Variants in SPIDR observed in about 807,000 individuals in gnomAD.
SPIDR encodes the protein DNA repair-scaffolding protein.
Under a neutral mutation model 104.6 loss-of-function variants are expected in SPIDR, and 93 were observed. The ratio of observed to expected loss-of-function variants is 0.89; its 90% CI spans 0.75 to 1.06. The LOEUF (loss-of-function observed/expected upper bound fraction) is 1.06, where lower values mean the gene tolerates loss of function less well. Among genes scored for constraint, SPIDR ranks in the 50% least tolerant of loss-of-function variants. The pLI, the probability that SPIDR is intolerant of heterozygous loss-of-function variation, is 0.00. For missense variants in SPIDR, 1,154 were observed against 1,111.2 expected (o/e 1.04, Z -0.55); for synonymous variants, 431 against 416.9 (o/e 1.03, Z -0.41).
intron 12 of SPIDR, 107 bp downstream of exon 12, chr8:47,700,597 T>G: frequency 9.0e-7 from 1 of 1,107,800 alleles, no homozygotes; most frequent in Non-Finnish European, 1.4e-6. Context: ...CCTGCTCCAG[T>G]GGCAACAAGG....
At chr8:47,521,859 A>T (rs1418539286) in intron 8 of SPIDR, among the ~76,000 whole-genome samples, 1 of 152,028 alleles carries the variant, frequency 6.6e-6, no homozygotes, top group East Asian at 1.9e-4. Flanking sequence ...ATATGTTCCT[A>T]GTTCTTAGAA....
intron 8 of SPIDR, among the ~76,000 whole-genome samples, chr8:47,568,449 G>T (rs1333527342): frequency 6.6e-6 from 1 of 152,216 alleles, no homozygotes; most frequent in Admixed American, 6.5e-5. Context: ...TGAATTAATT[G>T]TGTAAGGAAC....
intron 8 of SPIDR, among the ~76,000 whole-genome samples, chr8:47,589,558 C>G (rs968372204): frequency 9.2e-5 from 14 of 151,852 alleles, no homozygotes; most frequent in African/African-American, 3.4e-4. Context: ...ATTTATTTTC[C>G]TTAATAGTTA....
chr8:47,361,314 C>A (rs981668106), intron 5 of SPIDR, among the ~76,000 whole-genome samples: 1 of 152,118 alleles, frequency 6.6e-6, no homozygotes, highest in Admixed American at 6.5e-5. Context: ...ATCCATCTGA[C>A]CATTGGTTAG....
chr8:47,265,269 A>G (rs1342277287), intron 1 of SPIDR, among the ~76,000 whole-genome samples: 1 of 147,238 alleles, frequency 6.8e-6, no homozygotes, highest in Non-Finnish European at 1.5e-5. Context: ...GGCTCACTGC[A>G]GTCTTGAGCT....
At chr8:47,615,472 C>CT (rs11345219) in intron 10 of SPIDR, among the ~76,000 whole-genome samples, 11 of 110,016 alleles carry the variant, frequency 1.0e-4, no homozygotes, top group Non-Finnish European at 1.5e-4. Flanking sequence ...CGAAAATAGC[C>CT]TTTTTTTTTT....
intron 14 of SPIDR, among the ~76,000 whole-genome samples, chr8:47,710,711 G>A (rs1341605125): frequency 3.9e-5 from 6 of 151,960 alleles, no homozygotes; most frequent in South Asian, 2.1e-4. Context: ...CAGGTTATCC[G>A]CCTGCCTCGG....
chr8:47,410,131 A>G (rs1446895523), intron 7 of SPIDR, among the ~76,000 whole-genome samples: 1 of 152,136 alleles, frequency 6.6e-6, no homozygotes, highest in Non-Finnish European at 1.5e-5. Flanking sequence ...TATATGTATC[A>G]GGATGACCTA....
At chr8:47,594,709 C>A (rs184642627) in intron 8 of SPIDR, among the ~76,000 whole-genome samples, 49 of 152,040 alleles carry the variant, frequency 3.2e-4, no homozygotes, top group African/African-American at 1.1e-3. Context: ...AAAGAAAACC[C>A]AGGGCCGGGC....
chr8:47,394,298 A>G (rs1186525473), intron 5 of SPIDR, among the ~76,000 whole-genome samples: 3 of 152,064 alleles, frequency 2.0e-5, no homozygotes, highest in African/African-American at 7.2e-5. Flanking sequence ...CAGTACCTCC[A>G]TGGCAGCATT....
chr8:47,697,385 AATTTTAACC>A (rs1563577086), intron 11 of SPIDR, among the ~76,000 whole-genome samples: 1 of 152,244 alleles, frequency 6.6e-6, no homozygotes, highest in Non-Finnish European at 1.5e-5. Flanking sequence ...TAAAATTTAC[AATTTTAACC>A]ATTTTAAGTA....
chr8:47,467,415 A>G (rs902253930), intron 8 of SPIDR, among the ~76,000 whole-genome samples: 5 of 152,222 alleles, frequency 3.3e-5, no homozygotes, highest in Admixed American at 3.3e-4. Flanking sequence ...AACAAAAAAG[A>G]AAACTTTAGG....
intron 5 of SPIDR, among the ~76,000 whole-genome samples, chr8:47,368,343 C>CAAAAAAAAAAAAAAA (rs34106189): frequency 2.0e-5 from 1 of 49,406 alleles, no homozygotes; most frequent in Non-Finnish European, 3.2e-5. Flanking sequence ...GTTGAGAAGT[C>CAAAAAAAAAAAAAAA]AAAAAAAAAA....
At chr8:47,570,285 A>G (rs1587889887) in intron 8 of SPIDR, among the ~76,000 whole-genome samples, 1 of 152,228 alleles carries the variant, frequency 6.6e-6, no homozygotes, top group South Asian at 2.1e-4. Flanking sequence ...GTTGATTTTC[A>G]ACAAAGGTAC....
At chr8:47,544,179 G>T (rs2154393877) in intron 8 of SPIDR, among the ~76,000 whole-genome samples, 1 of 151,942 alleles carries the variant, frequency 6.6e-6, no homozygotes, top group Middle Eastern at 3.4e-3. Context: ...GTGCTCATTT[G>T]CCATTTATTT....
At chr8:47,343,905 G>A (rs527640485) in intron 5 of SPIDR, among the ~76,000 whole-genome samples, 29 of 151,922 alleles carry the variant, frequency 1.9e-4, no homozygotes, top group Admixed American at 4.6e-4. Flanking sequence ...ACATTCTTAC[G>A]TATTTAATCT....
chr8:47,334,647 T>A (rs1226057232), intron 5 of SPIDR, among the ~76,000 whole-genome samples: 1 of 152,220 alleles, frequency 6.6e-6, no homozygotes, highest in Non-Finnish European at 1.5e-5. Flanking sequence ...TTTATATGTA[T>A]CTTTACATAT....
chr8:47,487,559 C>T (rs1265416538), intron 8 of SPIDR, among the ~76,000 whole-genome samples: 2 of 152,026 alleles, frequency 1.3e-5, no homozygotes, highest in Non-Finnish European at 1.5e-5. Flanking sequence ...TACATTCTTC[C>T]CAGCACCACT....
At chr8:47,628,169 A>G (rs983815886) in intron 10 of SPIDR, among the ~76,000 whole-genome samples, 1 of 152,210 alleles carries the variant, frequency 6.6e-6, no homozygotes, top group Non-Finnish European at 1.5e-5. Flanking sequence ...CTTCCACAGA[A>G]CATGCTTCCT....
Sources: gnomAD v4.1 joint callset for allele counts (sites outside exome capture counted in the v4.1 genomes callset) on GRCh38, gnomAD v4.1.1 for gene constraint, MANE v1.5 for transcripts, NCBI Gene and HGNC (gene_info 2026-07-23, HGNC 2026-07-21) for gene names.